The following ABCB5 variants were observed in gnomAD, a reference collection of about 807,000 sequenced individuals.
ABCB5 encodes ATP binding cassette subfamily B member 5.
ABCB5 carries 155 observed loss-of-function variants against 144.2 expected under a neutral mutation model. That is an observed-to-expected ratio of 1.08 (90% CI 0.94 to 1.23). The LOEUF is 1.23. Among genes scored for constraint, ABCB5 ranks in the 50% most tolerant of loss-of-function variants. The pLI is 0.00. For synonymous variants in ABCB5, 610 were observed against 528.6 expected (o/e 1.15, Z -2.11); for missense variants, 1,830 against 1,520.8 (o/e 1.20, Z -3.38).
At chr7:20,717,138 A>T (rs1781699514) in intron 20 of ABCB5, among the ~76,000 whole-genome samples, 1 of 152,184 alleles carries the variant, frequency 6.6e-6, no homozygotes, top group South Asian at 2.1e-4. Context: ...CTTAAGGTCC[A>T]CAGCATCTCA....
intron 20 of ABCB5, among the ~76,000 whole-genome samples, chr7:20,709,146 G>A (rs560732499): frequency 4.2e-4 from 64 of 152,216 alleles, no homozygotes; most frequent in Admixed American, 9.2e-4. Context: ...CCAAATGGCA[G>A]CCTTATATAA....
At position 20,756,873 on chromosome 7, in the gene ABCB5, T is replaced by C. The variant is rs920696135; in HGVS notation, c.*1249T>C. 1.3e-5 allele frequency: 2 copies of C among 152,358 alleles called. No individual in the cohort carries two copies. The highest frequency in any genetic ancestry group is 2.9e-5 in the Non-Finnish European group (2 of 68,042). 9.4% of individuals were successfully genotyped at this position (152,358 alleles called of 1,614,324 possible). A position where few individuals can be genotyped will look rare whatever the true frequency, so the allele number is the denominator to read the frequency against. ...ATCTTTATTCTTCAGTGTATTTTCT[T>C]CCATTTACACATTTAGCTAGCCTCC... On this transcript the variant is annotated 3_prime_UTR_variant, in exon 28 of 28. Coordinates refer to ENST00000404938, the MANE Select transcript of ABCB5 (RefSeq NM_001163941.2).
At chr7:20,754,715 A>T (rs1783031925) in intron 27 of ABCB5, among the ~76,000 whole-genome samples, 1 of 152,238 alleles carries the variant, frequency 6.6e-6, no homozygotes, top group Non-Finnish European at 1.5e-5. Context: ...CTACTTAGAA[A>T]TACTACTTCC....
chr7:20,699,745 C>A, intron 17 of ABCB5, 80 bp from the exon 18 acceptor site: 1 of 897,790 alleles, frequency 1.1e-6, no homozygotes, highest in Non-Finnish European at 1.7e-6. Flanking sequence ...TTTAAAACTC[C>A]TGATATACAG....
In ABCB5 at chr7:20,745,362, G is replaced by C. The variant is rs747248780; in HGVS notation, c.3353G>C (p.Arg1118Pro). 6.2e-7 allele frequency: 1 copy of C among 1,614,160 alleles called. No individual in the cohort carries two copies. Among genetic ancestry groups the C allele is most frequent in the Non-Finnish European group, 8.5e-7 (1 of 1,180,022 alleles). The change falls in exon 26 of 28, where the codon CGT becomes CCT. Residue 1118 changes from arginine to proline, a missense_variant. Coordinates refer to ENST00000404938, the MANE Select transcript of ABCB5 (RefSeq NM_001163941.2). The stretch of plus-strand genomic sequence containing the variant: ...AACATCGCCTATGGTGACAACAGCC[G>C]TGTGGTGCCATTAGATGAGATCAAA... ...AENIAYGDNS[R>P]VVPLDEIKEA...
At chr7:20,664,198 A>G (rs7801468) in intron 14 of ABCB5, among the ~76,000 whole-genome samples, 2,217 of 152,304 alleles carry the variant, frequency 0.015, 49 homozygotes, top group African/African-American at 0.041. Context: ...ATTCTGTATT[A>G]TGCATATTTT....
chr7:20,664,856 A>G (rs1337538201), intron 14 of ABCB5, among the ~76,000 whole-genome samples: 1 of 152,222 alleles, frequency 6.6e-6, no homozygotes, highest in African/African-American at 2.4e-5. Flanking sequence ...TTGGGAGGCT[A>G]CAGTGGGAGA....
intron 19 of ABCB5, among the ~76,000 whole-genome samples, chr7:20,703,725 A>C (rs1485284458): frequency 6.6e-6 from 1 of 152,218 alleles, no homozygotes; most frequent in Admixed American, 6.5e-5. Context: ...GGAAACATTC[A>C]ATAGCTATAA....
intron 16 of ABCB5, among the ~76,000 whole-genome samples, chr7:20,688,979 A>AG (rs1218069754): frequency 3.3e-5 from 5 of 149,702 alleles, no homozygotes; most frequent in Non-Finnish European, 7.4e-5. Context: ...GGGTGGGGAG[A>AG]GGGGGGAGGG....
intron 14 of ABCB5, among the ~76,000 whole-genome samples, chr7:20,671,360 T>C (rs1785454584): frequency 6.6e-6 from 1 of 152,224 alleles, no homozygotes; most frequent in Non-Finnish European, 1.5e-5. Flanking sequence ...TAAGAAACTG[T>C]ACATATTAAA....
intron 16 of ABCB5, among the ~76,000 whole-genome samples, chr7:20,695,101 AGAGGGATACTACCT>A (rs1403586540): frequency 6.6e-6 from 1 of 152,034 alleles, no homozygotes; most frequent in Non-Finnish European, 1.5e-5. Context: ...CAAAGTTGGA[AGAGGGATACTACCT>A]GATTTCAATT....
chr7:20,638,144 A>G (rs921835438), intron 5 of ABCB5, among the ~76,000 whole-genome samples: 4 of 152,138 alleles, frequency 2.6e-5, no homozygotes, highest in Non-Finnish European at 4.4e-5. Flanking sequence ...CTTCTATAAA[A>G]TTATTTAAAT....
intron 1 of ABCB5, among the ~76,000 whole-genome samples, chr7:20,616,880 C>T (rs1050169140): frequency 6.6e-6 from 1 of 152,192 alleles, no homozygotes; most frequent in Non-Finnish European, 1.5e-5. Flanking sequence ...GACCTTGTGT[C>T]GCTTTGTCTC....
chr7:20,735,505 G>A (rs1220508966), intron 23 of ABCB5, among the ~76,000 whole-genome samples: 13 of 152,338 alleles, frequency 8.5e-5, no homozygotes, highest in African/African-American at 1.2e-4. Context: ...AAAGAAAACA[G>A]GAAAGACTTC....
chr7:20,750,083 A>G (rs910613665), intron 26 of ABCB5, among the ~76,000 whole-genome samples: 9 of 152,154 alleles, frequency 5.9e-5, no homozygotes, highest in Non-Finnish European at 1.2e-4. Context: ...ACATGTTGGG[A>G]ATTGGATATT....
At chr7:20,738,892 T>G in intron 23 of ABCB5, 91 bp from the exon 24 acceptor site, 1 of 1,376,912 alleles carries the variant, frequency 7.3e-7, no homozygotes, top group Non-Finnish European at 9.6e-7. Flanking sequence ...AAGATTATAT[T>G]CCTGTGCCTG....
chr7:20,755,433 C>T lies in ABCB5; in HGVS notation c.3583C>T (p.Gln1195Ter), dbSNP rs146527949. ...AGGTCTTTCTCTCTTCCAGGTGGTT[C>T]AGCATGCCCTTGATAAAGCCAGGAC... ...ALDNDSEKVVQHALDKARTGR... is the reference protein window; with the variant it reads ...ALDNDSEKVV Residue 1195 changes from glutamine to a stop codon, truncating the protein, a stop_gained, in exon 28 of 28, where the codon CAG (glutamine) becomes TAG (stop). Coordinates refer to ENST00000404938, the MANE Select transcript of ABCB5 (RefSeq NM_001163941.2). LOFTEE classifies it high-confidence loss of function. The T allele has an allele frequency of 5.7e-4, 921 of 1,614,092 alleles. 2 individuals are homozygous for T. The African/African-American group carries it at 0.011, about 20-fold the overall frequency.
At chr7:20,708,770 CTT>C (rs1310742232) in intron 20 of ABCB5, among the ~76,000 whole-genome samples, 1 of 152,178 alleles carries the variant, frequency 6.6e-6, no homozygotes, top group South Asian at 2.1e-4. Context: ...GCCTTAAACA[CTT>C]TACATTTTCA....
chr7:20,743,445 G>A (rs1012442508), intron 25 of ABCB5, among the ~76,000 whole-genome samples: 2 of 152,050 alleles, frequency 1.3e-5, no homozygotes, highest in East Asian at 3.9e-4. Flanking sequence ...CCTTAGTTCA[G>A]GCTTCTGCTT....
Sources: gnomAD v4.1 joint callset for allele counts (sites outside exome capture counted in the v4.1 genomes callset) on GRCh38, gnomAD v4.1.1 for gene constraint, MANE v1.5 for transcripts, NCBI Gene and HGNC (gene_info 2026-07-23, HGNC 2026-07-21) for gene names.